Variants in KCNQ5 observed in about 807,000 individuals in gnomAD.
KCNQ5 encodes the protein potassium voltage-gated channel subfamily Q member 5.
A neutral mutation model predicts 98.2 loss-of-function variants in KCNQ5; 30 were observed. The observed-to-expected ratio is 0.31, with a 90% CI of 0.23 to 0.41. KCNQ5 has a LOEUF of 0.41. Among genes scored for constraint, KCNQ5 ranks in the 10% least tolerant of loss-of-function variants. The pLI, the probability that KCNQ5 is intolerant of heterozygous loss-of-function variation, is 1.00. For missense variants in KCNQ5, 835 were observed against 1,182.5 expected, an observed-to-expected ratio of 0.71 and a Z score of 4.31; for synonymous variants, 458 against 449.4, an observed-to-expected ratio of 1.02 and a Z score of -0.24.
Position 73,008,393 on chromosome 6 carries a change from A to G in KCNQ5, c.489+4395A>G, listed in dbSNP as rs144515261. ...ACTTACTTTAGATTCAAAGACACAAATACATTGACAGTAAAAGGGTGGAAA... is the reference window on the plus strand; with the variant it reads ...ACTTACTTTAGATTCAAAGACACAAGTACATTGACAGTAAAAGGGTGGAAA... On this transcript the variant is annotated intron_variant, in intron 2 of 13. Transcript: ENST00000370398. 2.2e-4 allele frequency among the ~76,000 whole-genome samples: 33 copies of G among 152,298 alleles called. No homozygotes were observed. In the East Asian group the frequency reaches 6.2e-3, roughly 28 times the overall value.
intron 5 of KCNQ5, among the ~76,000 whole-genome samples, chr6:73,080,492 T>C (rs1773719174): frequency 1.3e-5 from 2 of 152,294 alleles, no homozygotes; most frequent in South Asian, 2.1e-4. Flanking sequence ...ATTGTTTCTA[T>C]TCATTTTAAG....
At chr6:73,058,483 C>T (rs1466996390) in intron 3 of KCNQ5, among the ~76,000 whole-genome samples, 2 of 152,054 alleles carry the variant, frequency 1.3e-5, no homozygotes, top group African/African-American at 4.8e-5. Context: ...ACATATAGGA[C>T]CTGGCAAAGA....
At chr6:72,811,230 G>A (rs1449554242) in intron 1 of KCNQ5, among the ~76,000 whole-genome samples, 2 of 152,204 alleles carry the variant, frequency 1.3e-5, no homozygotes, top group African/African-American at 4.8e-5. Context: ...AAATTGTGTT[G>A]ATGGTCAGTT....
chr6:72,928,051 T>C (rs1765517296), intron 1 of KCNQ5, among the ~76,000 whole-genome samples: 1 of 152,096 alleles, frequency 6.6e-6, no homozygotes. Flanking sequence ...AAGAAATGTG[T>C]ACTGCTTGAG....
chr6:73,023,464 C>CAT (rs1770704881), intron 2 of KCNQ5, among the ~76,000 whole-genome samples: 2 of 151,952 alleles, frequency 1.3e-5, no homozygotes, highest in African/African-American at 4.8e-5. Context: ...GAAGGGAACT[C>CAT]GTGAGGTGGA....
chr6:72,789,902 G>A (rs1773943476), intron 1 of KCNQ5, among the ~76,000 whole-genome samples: 2 of 152,278 alleles, frequency 1.3e-5, no homozygotes, highest in South Asian at 4.1e-4. Context: ...TTGGATAGGA[G>A]TGGTGAACAA....
chr6:72,683,399 G>C (rs1421875610), intron 1 of KCNQ5, among the ~76,000 whole-genome samples: 9 of 135,378 alleles, frequency 6.6e-5, no homozygotes, highest in African/African-American at 2.0e-4. Flanking sequence ...ACAGAGTCTC[G>C]CTCTGTCGCC....
rs186070754 is a variant in KCNQ5, at chr6:72,777,288, T to G, written c.398+154701T>G. ...CTGGGAACCCTATCAAAGAGGTTAC[T>G]ATAGCACTCAAAGGACGGATGGTAA... On this transcript the variant is annotated intron_variant, in intron 1 of 13. Coordinates refer to ENST00000370398, the MANE Select transcript of KCNQ5 (RefSeq NM_019842.4). Among the ~76,000 whole-genome samples the G allele has an allele frequency of 1.7e-3, 263 of 152,340 alleles. 1 individual carries two copies. The highest frequency in any genetic ancestry group is 3.1e-3 in the Non-Finnish European group (211 of 68,034).
intron 5 of KCNQ5, among the ~76,000 whole-genome samples, chr6:73,084,684 C>T (rs1480664906): frequency 6.6e-6 from 1 of 152,212 alleles, no homozygotes; most frequent in African/African-American, 2.4e-5. Flanking sequence ...TTCCTCCAAG[C>T]CCCTAAAGAT....
intron 1 of KCNQ5, among the ~76,000 whole-genome samples, chr6:72,792,070 G>A (rs1051679832): frequency 2.8e-4 from 43 of 152,188 alleles, no homozygotes; most frequent in African/African-American, 8.0e-4. Flanking sequence ...GATGCCATGA[G>A]TGTAAAATCT....
At chr6:72,738,162 A>T (rs1770948921) in intron 1 of KCNQ5, among the ~76,000 whole-genome samples, 1 of 152,186 alleles carries the variant, frequency 6.6e-6, no homozygotes, top group Non-Finnish European at 1.5e-5. Context: ...TTCAAAAAAA[A>T]AAATTTGTTA....
At chr6:73,158,750 C>T (rs1777490129) in intron 10 of KCNQ5, among the ~76,000 whole-genome samples, 1 of 152,054 alleles carries the variant, frequency 6.6e-6, no homozygotes, top group Admixed American at 6.5e-5. Flanking sequence ...CTTCTAGCTA[C>T]TTTTCTTTTC....
At chr6:72,729,896 C>G (rs978864305) in intron 1 of KCNQ5, among the ~76,000 whole-genome samples, 2 of 152,190 alleles carry the variant, frequency 1.3e-5, no homozygotes, top group African/African-American at 2.4e-5. Context: ...CACAATGGCT[C>G]ACACTTATAA....
chr6:73,082,216 C>T (rs78937194), intron 5 of KCNQ5, among the ~76,000 whole-genome samples: 1 of 152,330 alleles, frequency 6.6e-6, no homozygotes, highest in African/African-American at 2.4e-5. Context: ...TGTTACCCTG[C>T]AGCCTGAAAA....
intron 1 of KCNQ5, among the ~76,000 whole-genome samples, chr6:72,731,653 G>A (rs760036842): frequency 8.5e-5 from 13 of 152,194 alleles, no homozygotes; most frequent in Non-Finnish European, 1.8e-4. Context: ...TAGGAAAAAT[G>A]TGTGTACCTT....
intron 1 of KCNQ5, among the ~76,000 whole-genome samples, chr6:72,670,118 A>G (rs1355069648): frequency 5.9e-5 from 9 of 152,182 alleles, no homozygotes; most frequent in Non-Finnish European, 1.2e-4. Flanking sequence ...AAAACACTAA[A>G]GGACAATTCA....
rs138441184 is a variant in KCNQ5, at chr6:73,144,427, A to G, written c.1468+10786A>G. Among the ~76,000 whole-genome samples the G allele has an allele frequency of 2.8e-3, 423 of 152,350 alleles. 3 individuals are homozygous for G. The highest frequency in any genetic ancestry group is 9.7e-3 in the African/African-American group (402 of 41,586). On this transcript the variant is annotated intron_variant, in intron 10 of 13. Transcript: ENST00000370398. The stretch of plus-strand genomic sequence containing the variant: ...CAGCTACCAAGAGAATCATTTGCAC[A>G]TGAAACCCTGAGATTTGCGTCTTTC...
rs780132176 is a variant in KCNQ5 at position 73,003,914 on chromosome 6, C to T, written c.405C>T (p.Leu135=). The stretch of plus-strand genomic sequence containing the variant: ...TCTTTTTGTTGTTTTACAGTTTTCT[C>T]CTTGTCTTTGGTTGCTTGATTTTGT... The part of the protein sequence containing the change: ...WAFIYHAFVF[L]LVFGCLILSV... The change falls in exon 2 of 14, where the codon CTC becomes CTT. Residue 135 remains leucine (L), a synonymous_variant. Coordinates refer to ENST00000370398, the MANE Select transcript of KCNQ5 (RefSeq NM_019842.4). 1 of 1,610,326 alleles carries T rather than the reference C, an allele frequency of 6.2e-7. No homozygotes were observed. Among genetic ancestry groups the T allele is most frequent in the East Asian group, 2.2e-5 (1 of 44,830 alleles).
At chr6:72,738,264 C>T (rs1770954394) in intron 1 of KCNQ5, among the ~76,000 whole-genome samples, 1 of 152,074 alleles carries the variant, frequency 6.6e-6, no homozygotes, top group Non-Finnish European at 1.5e-5. Flanking sequence ...GTTGACTTTC[C>T]ACGTTTCTCA....
Sources: gnomAD v4.1 joint callset for allele counts (sites outside exome capture counted in the v4.1 genomes callset) on GRCh38, gnomAD v4.1.1 for gene constraint, MANE v1.5 for transcripts, NCBI Gene and HGNC (gene_info 2026-07-23, HGNC 2026-07-21) for gene names.